The following EYA3 variants were observed in gnomAD, a reference collection of about 807,000 sequenced individuals.
EYA3 encodes the protein EYA transcriptional coactivator and phosphatase 3, also known as protein phosphatase EYA3.
Under a neutral mutation model 80.0 loss-of-function variants are expected in EYA3, and 39 were observed. The observed-to-expected ratio is 0.49, with a 90% CI of 0.38 to 0.64. The LOEUF (loss-of-function observed/expected upper bound fraction) is 0.64, where lower values mean the gene tolerates loss of function less well. Among genes scored for constraint, EYA3 ranks in the 30% least tolerant of loss-of-function variants. The pLI is 0.00. For synonymous variants in EYA3, 206 were observed against 232.8 expected, an observed-to-expected ratio of 0.88 and a Z score of 1.05; for missense variants, 523 against 676.1, an observed-to-expected ratio of 0.77 and a Z score of 2.51.
chr1:27,973,049 T>C lies in EYA3; in HGVS notation c.*1417A>G, dbSNP rs1037533447. The stretch of plus-strand genomic sequence containing the variant: ...ATGTGAAAACCTGTCTGTTTCTCCC[T>C]TCCCCCCACAATCAGCAAAGTCTTT... On this transcript the variant is annotated 3_prime_UTR_variant, in exon 18 of 18. Coordinates refer to ENST00000373871, the MANE Select transcript of EYA3 (RefSeq NM_001990.4). 1.3e-5 allele frequency: 2 copies of C among 152,240 alleles called. No individual in the cohort carries two copies. 9.4% of individuals were successfully genotyped at this position (152,240 alleles called of 1,614,324 possible).
At chr1:27,982,033 G>A (rs1270262846) in intron 16 of EYA3, among the ~76,000 whole-genome samples, 2 of 145,698 alleles carry the variant, frequency 1.4e-5, no homozygotes, top group African/African-American at 5.1e-5. Flanking sequence ...TTGAGACAGA[G>A]TCTTTCTCTG....
chr1:28,023,091 G>A (rs962102336), intron 7 of EYA3, among the ~76,000 whole-genome samples: 1 of 50,520 alleles, frequency 2.0e-5, no homozygotes, highest in African/African-American at 7.2e-5. Context: ...GTGGGGGGGG[G>A]GGGGAAAACC....
In EYA3 at chr1:28,004,349, T is replaced by G; in HGVS notation, c.980A>C (p.Gln327Pro). The G allele has an allele frequency of 6.2e-7, 1 of 1,602,360 alleles. No individual in the cohort carries two copies. Among genetic ancestry groups the G allele is most frequent in the Non-Finnish European group, 8.5e-7 (1 of 1,171,632 alleles). Reference protein sequence around the residue: ...FHSLLTGSYAQKYGKDPTVVI... With the variant: ...FHSLLTGSYAPKYGKDPTVVI... ...GACTCAAATTACCTTTCCATATTTC[T>G]GGGCATAGGATCCAGTAAGAAGTGA... The change falls in exon 11 of 18, where the codon CAG becomes CCG. Residue 327 changes from glutamine (Q) to proline (P), a missense_variant. This residue lies in a region of EYA3 where 219 missense variants were observed against 332.8 expected (regional missense o/e 0.66). Transcript: ENST00000373871.
At chr1:28,042,831 C>T (rs1643861163) in intron 3 of EYA3, among the ~76,000 whole-genome samples, 181 bp from the exon 4 acceptor site, 1 of 151,950 alleles carries the variant, frequency 6.6e-6, no homozygotes, top group African/African-American at 2.4e-5. Flanking sequence ...GGCTAGTACC[C>T]TCAGCATTCT....
At chr1:28,029,665 A>G (rs1040425466) in intron 6 of EYA3, among the ~76,000 whole-genome samples, 4 of 148,774 alleles carry the variant, frequency 2.7e-5, no homozygotes, top group African/African-American at 1.0e-4. Context: ...CGATGATCTC[A>G]GCTCATTGCA....
chr1:28,054,445 C>G (rs1319491602), intron 2 of EYA3, among the ~76,000 whole-genome samples: 1 of 152,084 alleles, frequency 6.6e-6, no homozygotes, highest in South Asian at 2.1e-4. Context: ...AGTTTATTCC[C>G]ATATTTATAA....
At chr1:28,060,702 CAAAT>C (rs1644588612) in intron 1 of EYA3, among the ~76,000 whole-genome samples, 1 of 152,112 alleles carries the variant, frequency 6.6e-6, no homozygotes, top group African/African-American at 2.4e-5. Context: ...AAAAAGTACA[CAAAT>C]AATTTCTACA....
intron 12 of EYA3, among the ~76,000 whole-genome samples, chr1:27,997,925 G>A (rs905914546): frequency 6.6e-6 from 1 of 152,196 alleles, no homozygotes; most frequent in Non-Finnish European, 1.5e-5. Flanking sequence ...TGTTTTAAAA[G>A]TGAGGTGAAA....
At chr1:28,019,637 C>A (rs1169419769) in intron 7 of EYA3, among the ~76,000 whole-genome samples, 1 of 152,000 alleles carries the variant, frequency 6.6e-6, no homozygotes, top group Non-Finnish European at 1.5e-5. Context: ...TTCTTCTGGC[C>A]CTGGTCCTGG....
intron 3 of EYA3, among the ~76,000 whole-genome samples, chr1:28,043,243 G>C (rs1182158604): frequency 3.3e-5 from 5 of 150,886 alleles, no homozygotes; most frequent in Non-Finnish European, 7.4e-5. Flanking sequence ...ACACCATATG[G>C]TAAAACATTG....
chr1:27,978,881 G>C (rs918170753), intron 16 of EYA3, among the ~76,000 whole-genome samples: 3 of 152,222 alleles, frequency 2.0e-5, no homozygotes, highest in Non-Finnish European at 2.9e-5. Context: ...AGAATCGCTT[G>C]AACCCGGGAG....
intron 6 of EYA3, 76 bp from the exon 7 acceptor site, chr1:28,028,002 C>A: frequency 1.3e-6 from 2 of 1,490,192 alleles, no homozygotes; most frequent in Non-Finnish European, 1.8e-6. Context: ...CAAATATCAG[C>A]CAGTAGGTTT....
At chr1:27,996,435 A>G (rs1024543680) in intron 13 of EYA3, among the ~76,000 whole-genome samples, 4 of 152,314 alleles carry the variant, frequency 2.6e-5, no homozygotes, top group Non-Finnish European at 5.9e-5. Context: ...TGGGGTTCAG[A>G]GCAGAATATA....
At chr1:28,077,155 G>C (rs538349872) in intron 1 of EYA3, among the ~76,000 whole-genome samples, 3 of 144,674 alleles carry the variant, frequency 2.1e-5, no homozygotes, top group Non-Finnish European at 4.5e-5. Flanking sequence ...CCAGGCTGGA[G>C]TACAGTGGCG....
intron 2 of EYA3, among the ~76,000 whole-genome samples, chr1:28,055,877 C>T (rs1405713802): frequency 6.6e-6 from 1 of 152,046 alleles, no homozygotes; most frequent in East Asian, 1.9e-4. Context: ...AAAATAACTT[C>T]AATAATAACG....
chr1:28,023,089 G>C (rs931839187), intron 7 of EYA3, among the ~76,000 whole-genome samples: 11 of 126,408 alleles, frequency 8.7e-5, no homozygotes, highest in East Asian at 2.7e-4. Flanking sequence ...GGGTGGGGGG[G>C]GGGGGGAAAA....
Position 28,048,307 on chromosome 1 carries a change from A to G in EYA3, c.77+76T>C, listed in dbSNP as rs951572574. On this transcript the variant is annotated intron_variant, in intron 3 of 17. Transcript: ENST00000373871. Reference sequence around the variant, plus strand: ...ACCAAAAAGAGGGCAAAGCATGCCCATACGCTAATCAGCATGTGAAAAAAA... The same window carrying G: ...ACCAAAAAGAGGGCAAAGCATGCCCGTACGCTAATCAGCATGTGAAAAAAA... The G allele has an allele frequency of 4.0e-6, 4 of 996,386 alleles. No homozygotes were observed. In the African/African-American group the frequency reaches 6.5e-5, roughly 16 times the overall value. The allele number at this position is 996,386 out of a possible 1,614,324, so 61.7% of individuals were successfully genotyped here. A position where few individuals can be genotyped will look rare whatever the true frequency, so the allele number is the denominator to read the frequency against.
At chr1:28,066,214 A>C (rs1644832925) in intron 1 of EYA3, among the ~76,000 whole-genome samples, 1 of 152,130 alleles carries the variant, frequency 6.6e-6, no homozygotes, top group South Asian at 2.1e-4. Flanking sequence ...ATCAGTGCAC[A>C]ATTTTAAACT....
intron 1 of EYA3, among the ~76,000 whole-genome samples, chr1:28,071,131 C>G (rs1010830610): frequency 2.0e-5 from 3 of 152,118 alleles, no homozygotes; most frequent in Non-Finnish European, 2.9e-5. Flanking sequence ...ACCATGTTGG[C>G]CAGGCTGGTC....
Sources: allele counts gnomAD v4.1 joint callset (sites outside exome capture counted in the v4.1 genomes callset), GRCh38; gene constraint gnomAD v4.1.1; regional missense constraint gnomAD v4.1.1; transcripts MANE v1.5; gene names NCBI Gene and HGNC (gene_info 2026-07-23, HGNC 2026-07-21).